Variants in CAMTA2 observed in about 807,000 individuals in gnomAD.
CAMTA2 encodes calmodulin binding transcription activator 2.
CAMTA2 carries 56 observed loss-of-function variants against 135.7 expected under a neutral mutation model. The observed-to-expected ratio is 0.41, with a 90% confidence interval of 0.33 to 0.52. The LOEUF (loss-of-function observed/expected upper bound fraction) is 0.52, where lower values mean the gene tolerates loss of function less well. Ranked by LOEUF, CAMTA2 falls within the 20% of genes least tolerant of loss-of-function variation. CAMTA2 has a pLI of 0.16. For synonymous variants in CAMTA2, 591 were observed against 604.6 expected (o/e 0.98, Z 0.33); for missense variants, 1,358 against 1,553.4 (o/e 0.87, Z 2.11).
At chr17:4,976,997 G>A (rs1159013205) in intron 11 of CAMTA2, 61 bp downstream of exon 11, 3 of 1,584,000 alleles carry the variant, frequency 1.9e-6, no homozygotes, top group Non-Finnish European at 2.6e-6. Flanking sequence ...AGTGGTCTAG[G>A]AGCATGTCAT....
At chr17:4,973,139 C>A in intron 14 of CAMTA2, 36 bp downstream of exon 14, 2 of 1,587,706 alleles carry the variant, frequency 1.3e-6, no homozygotes, top group South Asian at 1.1e-5. Context: ...CCATTGCTCC[C>A]TGCCCCATAT....
chr17:4,969,485 G>T lies in CAMTA2; in HGVS notation c.3282+15C>A, dbSNP rs1378760304. The stretch of plus-strand genomic sequence containing the variant: ...AATCATCACAGACCTCACACTCAGA[G>T]CTCATGCCTAATACCTTAAGTGCAA... On this transcript the variant is annotated intron_variant, in intron 20 of 22. Transcript: ENST00000348066. The surrounding 1 kb of genome is among the most constrained non-coding windows in gnomAD (Gnocchi z 5.6). 6.2e-7 allele frequency: 1 copy of T among 1,613,948 alleles called. No homozygotes were observed. The highest frequency in any genetic ancestry group is 8.5e-7 in the Non-Finnish European group (1 of 1,179,836).
chr17:4,983,199 C>T, intron 3 of CAMTA2, 156 bp from the exon 4 acceptor site: 1 of 637,412 alleles, frequency 1.6e-6, no homozygotes, highest in East Asian at 2.7e-5. Context: ...CACTGCCCTC[C>T]TAAGAACCCT....
chr17:4,979,525 AAAAAGAG>A, intron 9 of CAMTA2, 152 bp downstream of exon 9: 2 of 462,620 alleles, frequency 4.3e-6, no homozygotes, highest in East Asian at 6.9e-5. Context: ...AAAAAAAAAA[AAAAAGAG>A]AGAGATTAGG....
Position 4,987,673 on chromosome 17 carries a change from T to G in CAMTA2, c.-145A>C. The G allele has an allele frequency of 6.6e-7, 1 of 1,511,262 alleles. No homozygotes were observed. Among genetic ancestry groups the G allele is most frequent in the Non-Finnish European group, 8.8e-7 (1 of 1,131,918 alleles). The allele number at this position is 1,511,262 out of a possible 1,614,324, so 93.6% of individuals were successfully genotyped here. A position where few individuals can be genotyped will look rare whatever the true frequency, so the allele number is the denominator to read the frequency against. On this transcript the variant is annotated 5_prime_UTR_variant, in exon 1 of 23. Coordinates refer to ENST00000348066, the MANE Select transcript of CAMTA2 (RefSeq NM_015099.4). The stretch of plus-strand genomic sequence containing the variant: ...CCCCCAGCGCCGGCTGACAGCGGCG[T>G]CTAACGTCACTGCGCACGGGGCGGG...
intron 11 of CAMTA2, chr17:4,974,826 C>G (rs547326920): frequency 1.3e-4 from 28 of 212,056 alleles, no homozygotes; most frequent in African/African-American, 4.4e-4. Flanking sequence ...CTCTTCCCCC[C>G]AGCCTTTTCC....
chr17:4,979,640 A>G, intron 9 of CAMTA2, 44 bp downstream of exon 9: 2 of 1,405,962 alleles, frequency 1.4e-6, no homozygotes, highest in Non-Finnish European at 2.0e-6. Flanking sequence ...GGGAGTCAGA[A>G]GACAAATAGG....
chr17:4,977,419 A>G (rs946411595), intron 10 of CAMTA2, among the ~76,000 whole-genome samples: 4 of 152,370 alleles, frequency 2.6e-5, no homozygotes, highest in Admixed American at 6.5e-5. Context: ...TAGACCCTGT[A>G]GTTGAAGATA....
At chr17:4,973,545 C>A in intron 13 of CAMTA2, 40 bp downstream of exon 13, 1 of 1,572,222 alleles carries the variant, frequency 6.4e-7, no homozygotes, top group Non-Finnish European at 8.6e-7. Flanking sequence ...CACTTCTGTC[C>A]CAGAGGCTGC....
intron 12 of CAMTA2, 104 bp from the exon 13 acceptor site, chr17:4,973,873 C>T: frequency 1.0e-6 from 1 of 993,444 alleles, no homozygotes; most frequent in Non-Finnish European, 1.5e-6. Context: ...AATTTTGCCC[C>T]CTCCCCACAT....
In CAMTA2 at chr17:4,968,222, A is replaced by C; in HGVS notation, c.*534T>G. The C allele has an allele frequency of 3.9e-6, 1 of 258,248 alleles. No homozygotes were observed. The highest frequency in any genetic ancestry group is 7.6e-6 in the Non-Finnish European group (1 of 132,080). 16.0% of individuals were successfully genotyped at this position (258,248 alleles called of 1,614,324 possible). A position where few individuals can be genotyped will look rare whatever the true frequency, so the allele number is the denominator to read the frequency against. On this transcript the variant is annotated 3_prime_UTR_variant, in exon 23 of 23. Transcript: ENST00000348066. ...GGGGCGGACTCCGCAACGCGTTCCT[A>C]TGTACACCACCTCCCCTTCGGCCCT... is the stretch of plus-strand genomic sequence containing the variant.
intron 3 of CAMTA2, chr17:4,983,346 G>A (rs547832445): frequency 9.5e-5 from 27 of 283,726 alleles, no homozygotes; most frequent in Admixed American, 4.7e-4. Flanking sequence ...GCAATGGCGC[G>A]ATCTCAGCTC....
rs771847281 is a variant in CAMTA2 at position 4,972,377 on chromosome 17, A to T, written c.2663T>A (p.Val888Asp). The stretch of plus-strand genomic sequence containing the variant: ...CATGAGGAGTAGGGGGGCTTCTGGG[A>T]CACCAGAGGAAAGCTGGCCTGGGGC... ...DMAPGQLSSGVPEAPLLLMDY... is the reference protein window; with the variant it reads ...DMAPGQLSSGDPEAPLLLMDY... The change falls in exon 16 of 23, where the codon GTC (valine) becomes GAC (aspartate). Residue 888 changes from valine to aspartate, a missense_variant. Around this residue, in one of 4 missense-constraint regions of CAMTA2, gnomAD observed 1,077 missense variants for 1,127.5 expected, o/e 0.96. Coordinates refer to ENST00000348066, the MANE Select transcript of CAMTA2 (RefSeq NM_015099.4). 3.1e-6 allele frequency: 5 copies of T among 1,613,960 alleles called. No homozygotes were observed. The highest frequency in any genetic ancestry group is 4.2e-6 in the Non-Finnish European group (5 of 1,179,902).
intron 3 of CAMTA2, among the ~76,000 whole-genome samples, chr17:4,984,870 T>C (rs1973164318): frequency 6.6e-6 from 1 of 151,932 alleles, no homozygotes; most frequent in Non-Finnish European, 1.5e-5. Flanking sequence ...AATACAAAAA[T>C]TAGCCAGGTG....
chr17:4,981,196 G>C lies in CAMTA2; in HGVS notation c.700+29C>G, dbSNP rs780044319. The C allele has an allele frequency of 6.2e-6, 10 of 1,610,080 alleles. No individual in the cohort carries two copies. The Admixed American group carries it at 1.7e-4, about 27-fold the overall frequency. On this transcript the variant is annotated intron_variant, in intron 8 of 22. Transcript: ENST00000348066. ...TAAGAGCAGTGTGGCTAGGTGGGAA[G>C]ACAGCCAAAAGGTCAGGGAGTAACT... is the stretch of plus-strand genomic sequence containing the variant.
chr17:4,975,830 G>C (rs922149594), intron 11 of CAMTA2, among the ~76,000 whole-genome samples: 1 of 152,136 alleles, frequency 6.6e-6, no homozygotes, highest in Admixed American at 6.5e-5. Flanking sequence ...AGCAGGTGCA[G>C]ACAGAAACAA....
chr17:4,971,532 A>T (rs1972283434), intron 16 of CAMTA2, among the ~76,000 whole-genome samples: 1 of 151,398 alleles, frequency 6.6e-6, no homozygotes, highest in Non-Finnish European at 1.5e-5. Context: ...TTGTGTAGAG[A>T]TGGGGTCTTG....
In CAMTA2 at chr17:4,987,619, G is replaced by A. The variant is rs1254995757; in HGVS notation, c.-91C>T. On this transcript the variant is annotated 5_prime_UTR_variant, in exon 1 of 23. Coordinates refer to ENST00000348066, the MANE Select transcript of CAMTA2 (RefSeq NM_015099.4). ...TCCCGGGGTCCCGCGGGTGACGGCG[G>A]CAGCGGCCATTCTACCCCACACCGA... The A allele has an allele frequency of 6.5e-7, 1 of 1,528,050 alleles. No individual in the cohort carries two copies. Among genetic ancestry groups the A allele is most frequent in the Non-Finnish European group, 8.7e-7 (1 of 1,143,134 alleles). The allele number at this position is 1,528,050 out of a possible 1,614,324, so 94.7% of individuals were successfully genotyped here.
chr17:4,986,018 A>T lies in CAMTA2; in HGVS notation c.32-35T>A, dbSNP rs202021902. The T allele has an allele frequency of 5.2e-5, 76 of 1,463,548 alleles. No individual in the cohort carries two copies. In the African/African-American group the frequency reaches 7.9e-4, roughly 15 times the overall value. 90.7% of individuals were successfully genotyped at this position (1,463,548 alleles called of 1,614,324 possible). ...ATTAGAAGGGAGGGTTTAGTGTGCT[A>T]CCCTGGGGCATCCCTGTGATAGTCC... On this transcript the variant is annotated intron_variant, in intron 2 of 22. Coordinates refer to ENST00000348066, the MANE Select transcript of CAMTA2 (RefSeq NM_015099.4).
Sources: allele counts gnomAD v4.1 joint callset (sites outside exome capture counted in the v4.1 genomes callset), GRCh38; gene constraint gnomAD v4.1.1; regional missense constraint gnomAD v4.1.1; non-coding constraint Gnocchi (gnomAD v3.1); transcripts MANE v1.5; gene names NCBI Gene and HGNC (gene_info 2026-07-23, HGNC 2026-07-21).